Variants in GADL1 observed in about 807,000 individuals in gnomAD.
GADL1 encodes acidic amino acid decarboxylase GADL1.
Under a neutral mutation model 69.5 loss-of-function variants are expected in GADL1, and 71 were observed. That is an observed-to-expected ratio of 1.02 (90% CI 0.84 to 1.25). The LOEUF is 1.25. Among genes scored for constraint, GADL1 ranks in the 50% most tolerant of loss-of-function variants. GADL1 has a pLI of 0.00. For synonymous variants in GADL1, 254 were observed against 214.4 expected (o/e 1.18, Z -1.62); for missense variants, 737 against 631.8 (o/e 1.17, Z -1.79).
intron 12 of GADL1, among the ~76,000 whole-genome samples, chr3:30,790,980 T>C (rs1261365467): frequency 6.6e-6 from 1 of 151,676 alleles, no homozygotes; most frequent in Non-Finnish European, 1.5e-5. Context: ...ATGGGGATGA[T>C]TTGATTCAAT....
At chr3:30,742,776 T>C (rs951096912) in intron 14 of GADL1, among the ~76,000 whole-genome samples, 1 of 152,156 alleles carries the variant, frequency 6.6e-6, no homozygotes, top group African/African-American at 2.4e-5. Flanking sequence ...AGATAAACTC[T>C]AAGCCCTACT....
chr3:30,763,141 G>A (rs1387092048), intron 14 of GADL1, among the ~76,000 whole-genome samples: 1 of 152,116 alleles, frequency 6.6e-6, no homozygotes, highest in Non-Finnish European at 1.5e-5. Flanking sequence ...CTCTGTATGT[G>A]TATTTATACA....
intron 1 of GADL1, among the ~76,000 whole-genome samples, chr3:30,863,377 C>T (rs931591817): frequency 7.2e-5 from 11 of 151,898 alleles, no homozygotes; most frequent in Admixed American, 4.6e-4. Context: ...AAGGATGAGA[C>T]GGAACATGTT....
chr3:30,774,312 G>GT (rs1391510203), intron 14 of GADL1, among the ~76,000 whole-genome samples: 1 of 152,154 alleles, frequency 6.6e-6, no homozygotes, highest in Non-Finnish European at 1.5e-5. Context: ...AATGTATGAG[G>GT]TAAGAAGCTT....
chr3:30,834,687 G>A lies in GADL1; in HGVS notation c.904-406C>T, dbSNP rs76405082. 9.9e-3 allele frequency among the ~76,000 whole-genome samples: 1,510 copies of A among 152,106 alleles called. 93 individuals carry two copies. In the East Asian group the frequency reaches 0.2, roughly 21 times the overall value. On this transcript the variant is annotated intron_variant, in intron 9 of 14. Coordinates refer to ENST00000282538, the MANE Select transcript of GADL1 (RefSeq NM_207359.3). ...ACTAGTATTTTATATAATGAATGAGGCATATTATTGACAAGGTAGATAGAA... is the reference window on the plus strand; with the variant it reads ...ACTAGTATTTTATATAATGAATGAGACATATTATTGACAAGGTAGATAGAA...
chr3:30,851,557 G>T (rs1203536195), intron 4 of GADL1, among the ~76,000 whole-genome samples: 2 of 152,138 alleles, frequency 1.3e-5, no homozygotes, highest in East Asian at 3.9e-4. Context: ...TGTTGTCAGA[G>T]CATTGATGTT....
intron 14 of GADL1, among the ~76,000 whole-genome samples, chr3:30,753,728 TA>T (rs1398773813): frequency 6.6e-6 from 1 of 151,404 alleles, no homozygotes; most frequent in Non-Finnish European, 1.5e-5. Flanking sequence ...ACAAGTACAA[TA>T]AATGAAAACT....
intron 14 of GADL1, among the ~76,000 whole-genome samples, chr3:30,762,944 A>G (rs914554902): frequency 2.0e-5 from 3 of 152,184 alleles, no homozygotes; most frequent in Admixed American, 1.3e-4. Flanking sequence ...CTAGTATTCC[A>G]TTGTGTATAT....
intron 14 of GADL1, among the ~76,000 whole-genome samples, chr3:30,756,098 C>T (rs1232014436): frequency 6.6e-6 from 1 of 152,160 alleles, no homozygotes; most frequent in Non-Finnish European, 1.5e-5. Context: ...AGCAGGGAAC[C>T]AGCAGCAGCA....
chr3:30,832,335 T>C (rs1697805681), intron 11 of GADL1, among the ~76,000 whole-genome samples: 1 of 147,956 alleles, frequency 6.8e-6, no homozygotes, highest in Admixed American at 6.7e-5. Context: ...AGGAATGAAT[T>C]CTTTAAAAAA....
chr3:30,866,055 C>CAT (rs1698398662), intron 1 of GADL1, among the ~76,000 whole-genome samples: 1 of 152,086 alleles, frequency 6.6e-6, no homozygotes, highest in Non-Finnish European at 1.5e-5. Flanking sequence ...CTTCCTCTGA[C>CAT]ATAGAATTAA....
intron 12 of GADL1, chr3:30,799,522 T>TG (rs1697116741): frequency 6.6e-6 from 1 of 152,216 alleles, no homozygotes; most frequent in Non-Finnish European, 1.5e-5. Context: ...CTTCTGGGTC[T>TG]GATGGGAGGG....
intron 14 of GADL1, among the ~76,000 whole-genome samples, chr3:30,764,996 A>G (rs1698950): frequency 0.44 from 66,548 of 151,534 alleles, 14,615 homozygotes; most frequent in African/African-American, 0.46. Context: ...AAAGTCTGAC[A>G]ATGCAGGTTT....
intron 11 of GADL1, among the ~76,000 whole-genome samples, chr3:30,819,778 T>C (rs1002103657): frequency 6.6e-5 from 10 of 151,886 alleles, no homozygotes; most frequent in African/African-American, 2.4e-4. Flanking sequence ...GAATACAAGA[T>C]AAAAATGAGA....
intron 14 of GADL1, among the ~76,000 whole-genome samples, chr3:30,775,116 T>G (rs764611651): frequency 9.8e-5 from 15 of 152,304 alleles, no homozygotes; most frequent in Non-Finnish European, 1.3e-4. Flanking sequence ...CATTGCATTG[T>G]TAGGCTACAG....
chr3:30,763,778 T>TTACA (rs1553636676), intron 14 of GADL1, among the ~76,000 whole-genome samples: 1 of 151,612 alleles, frequency 6.6e-6, no homozygotes, highest in African/African-American at 2.4e-5. Context: ...GACCATATCT[T>TTACA]TATCTATCTC....
chr3:30,805,734 CTTTTTTTTTTTTTTTTTTT>C (rs34788058), intron 11 of GADL1, among the ~76,000 whole-genome samples: 1 of 66,094 alleles, frequency 1.5e-5, no homozygotes, highest in Admixed American at 2.1e-4. Flanking sequence ...AGTCCCCAGC[CTTTTTTTTTTTTTTTTTTT>C]TTTTTGGGCA....
chr3:30,772,930 AC>A (rs1422569591), intron 14 of GADL1, among the ~76,000 whole-genome samples: 1 of 152,030 alleles, frequency 6.6e-6, no homozygotes, highest in African/African-American at 2.4e-5. Flanking sequence ...TTTCAGGGAA[AC>A]CTAGGAAGCC....
chr3:30,726,626 G>C lies in GADL1; in HGVS notation c.*1616C>G, dbSNP rs1377783701. ...TGAAAATAAGCAATAAAAGCAAATA[G>C]TACTCAAAATTTAAATGACATTGGT... On this transcript the variant is annotated 3_prime_UTR_variant, in exon 15 of 15. Transcript: ENST00000282538. The C allele has an allele frequency of 1.3e-5, 2 of 151,844 alleles. No individual in the cohort carries two copies. The highest frequency in any genetic ancestry group is 2.9e-5 in the Non-Finnish European group (2 of 67,946). 9.4% of individuals were successfully genotyped at this position (151,844 alleles called of 1,614,324 possible). A position where few individuals can be genotyped will look rare whatever the true frequency, so the allele number is the denominator to read the frequency against.
Sources: gnomAD v4.1 joint callset for allele counts (sites outside exome capture counted in the v4.1 genomes callset) on GRCh38, gnomAD v4.1.1 for gene constraint, MANE v1.5 for transcripts, NCBI Gene and HGNC (gene_info 2026-07-23, HGNC 2026-07-21) for gene names.